The following FNTB variants were observed in gnomAD, a reference collection of about 807,000 sequenced individuals.
FNTB encodes the protein protein farnesyltransferase subunit beta.
FNTB carries 27 observed loss-of-function variants against 59.4 expected under a neutral mutation model. The observed-to-expected ratio is 0.45, with a 90% CI of 0.34 to 0.63. The LOEUF is 0.63. FNTB is among the 20% of genes least tolerant of loss of function. The pLI is 0.02. For missense variants in FNTB, 449 were observed against 559.6 expected, an observed-to-expected ratio of 0.80 and a Z score of 1.99; for synonymous variants, 230 against 220.7, an observed-to-expected ratio of 1.04 and a Z score of -0.37.
intron 7 of FNTB, among the ~76,000 whole-genome samples, chr14:65,037,741 A>ATTTATTTTTTATTTAT (rs372196330): frequency 1.5e-5 from 2 of 132,718 alleles, no homozygotes; most frequent in African/African-American, 2.9e-5. Flanking sequence ...TTATTTATTT[A>ATTTATTTTTTATTTAT]TTATTTATTT....
rs1726886924 is a variant in FNTB at position 65,005,457 on chromosome 14, CTTTCT to C, written c.209+1147_209+1151del. ...CACTTTCTCTTCCTTTCTTTTCTTTCTTTCTTTCTTTCTTTCTTTCTTTCTTTCTT... is the reference window on the plus strand; with the variant it reads ...CACTTTCTCTTCCTTTCTTTTCTTTCTTCTTTCTTTCTTTCTTTCTTTCTT... On this transcript the variant is annotated intron_variant, in intron 2 of 11. Coordinates refer to ENST00000246166, the MANE Select transcript of FNTB (RefSeq NM_002028.4). Among the ~76,000 whole-genome samples, 3 of 91,056 alleles carry C rather than the reference CTTTCT, an allele frequency of 3.3e-5. No homozygotes were observed. In the East Asian group the frequency reaches 1.1e-3, roughly 33 times the overall value. 59.7% of individuals were successfully genotyped at this position (91,056 alleles called of 152,430 possible).
At position 65,062,557 on chromosome 14, in the gene FNTB, A is replaced by G. The variant is rs1055766562; in HGVS notation, c.*1245A>G. On this transcript the variant is annotated 3_prime_UTR_variant, in exon 12 of 12. Transcript: ENST00000246166. This position sits in a 1 kb window ranked among gnomAD's most constrained non-coding sequence, Gnocchi z 4.3. ...CAGAGATGCAGCATGAGGCGCTTAG[A>G]AAAACCTGGCCATTTGCTGCCTCTA... 2 of 152,690 alleles carry G rather than the reference A, an allele frequency of 1.3e-5. No individual in the cohort carries two copies. Among genetic ancestry groups the G allele is most frequent in the Non-Finnish European group, 2.9e-5 (2 of 68,058 alleles). 9.5% of individuals were successfully genotyped at this position (152,690 alleles called of 1,614,324 possible). A position where few individuals can be genotyped will look rare whatever the true frequency, so the allele number is the denominator to read the frequency against.
At position 65,001,516 on chromosome 14, in the gene FNTB, G is replaced by C. The variant is rs1402563113; in HGVS notation, c.145-2733G>C. ...AAGGCGTCTCTCAGAATGTATCCCT[G>C]TAGTTAAGCTACTCGTGATTATATG... On this transcript the variant is annotated intron_variant, in intron 1 of 11. Coordinates refer to ENST00000246166, the MANE Select transcript of FNTB (RefSeq NM_002028.4). This position sits in a 1 kb window ranked among gnomAD's most constrained non-coding sequence, Gnocchi z 5.5. Among the ~76,000 whole-genome samples, 1 of 152,096 alleles carries C rather than the reference G, an allele frequency of 6.6e-6. No homozygotes were observed. The highest frequency in any genetic ancestry group is 2.4e-5 in the African/African-American group (1 of 41,396).
intron 7 of FNTB, among the ~76,000 whole-genome samples, chr14:65,038,235 C>A (rs1381856026): frequency 1.3e-5 from 2 of 151,270 alleles, no homozygotes; most frequent in African/African-American, 2.4e-5. Flanking sequence ...ATAGTGAAAC[C>A]CAGCCTCTAC....
chr14:65,053,451 C>T (rs1328072269), intron 10 of FNTB, 102 bp downstream of exon 10: 1 of 951,488 alleles, frequency 1.1e-6, no homozygotes, highest in African/African-American at 1.7e-5. Context: ...GCAGAGGTGT[C>T]ACCTTCAGCA....
At position 65,031,533 on chromosome 14, in the gene FNTB, G is replaced by C. The variant is rs2062083788; in HGVS notation, c.606-1077G>C. On this transcript the variant is annotated intron_variant, in intron 6 of 11. Transcript: ENST00000246166. This position sits in a 1 kb window ranked among gnomAD's most constrained non-coding sequence, Gnocchi z 4.6. ...GGGTTTCGCAATATTGGTCAGGTTG[G>C]TCTTGAACTCCTGGCCTCGTGATCC... 6.6e-6 allele frequency among the ~76,000 whole-genome samples: 1 copy of C among 151,456 alleles called. No individual in the cohort carries two copies. Among genetic ancestry groups the C allele is most frequent in the Non-Finnish European group, 1.5e-5 (1 of 67,756 alleles).
rs1186983133 is a variant in FNTB, at chr14:65,015,799, G to C, written c.374+83G>C. ...ATTTTGTTTTGTTTCTGTTTTGTTT[G>C]TTTGGAATGGAAAAAAACAGTGCCA... On this transcript the variant is annotated intron_variant, in intron 4 of 11. Coordinates refer to ENST00000246166, the MANE Select transcript of FNTB (RefSeq NM_002028.4). 20 of 1,501,848 alleles carry C rather than the reference G, an allele frequency of 1.3e-5. No homozygotes were observed. The South Asian group carries it at 2.2e-4, about 17-fold the overall frequency. The allele number at this position is 1,501,848 out of a possible 1,614,324, so 93.0% of individuals were successfully genotyped here.
chr14:65,013,325 C>CAT (rs1566869564), intron 3 of FNTB, among the ~76,000 whole-genome samples: 1 of 146,750 alleles, frequency 6.8e-6, no homozygotes, highest in Non-Finnish European at 1.5e-5. Context: ...TCTTTGTTTC[C>CAT]TTTTTTTTTT....
intron 1 of FNTB, among the ~76,000 whole-genome samples, chr14:64,992,982 T>C (rs550313976): frequency 6.6e-6 from 1 of 152,280 alleles, no homozygotes; most frequent in East Asian, 1.9e-4. Flanking sequence ...ACTACTGGCG[T>C]GCGCTACCAT....
rs541917697 is a variant in FNTB, at chr14:65,027,409, G to T, written c.375-44G>T. ...TAGTGGGAATTTGGTGTTTTGACAT[G>T]AATGCTCTCTGACTTTGTTTTTGCC... is the stretch of plus-strand genomic sequence containing the variant. On this transcript the variant is annotated intron_variant, in intron 4 of 11. Coordinates refer to ENST00000246166, the MANE Select transcript of FNTB (RefSeq NM_002028.4). The surrounding 1 kb of genome is among the most constrained non-coding windows in gnomAD (Gnocchi z 5.7). 5.0e-6 allele frequency: 8 copies of T among 1,608,096 alleles called. No homozygotes were observed. The highest frequency in any genetic ancestry group is 3.4e-5 in the Admixed American group (2 of 59,448).
At chr14:65,040,283 G>GTA (rs570646451) in intron 7 of FNTB, among the ~76,000 whole-genome samples, 112 of 147,012 alleles carry the variant, frequency 7.6e-4, no homozygotes, top group East Asian at 2.7e-3. Flanking sequence ...ATATATGTGT[G>GTA]TATATATATA....
chr14:65,037,214 C>G (rs952135568), intron 7 of FNTB, among the ~76,000 whole-genome samples: 1 of 151,284 alleles, frequency 6.6e-6, no homozygotes, highest in Non-Finnish European at 1.5e-5. Flanking sequence ...AGCAATTCTC[C>G]TGCCTCAGCC....
rs1423637061 is a variant in FNTB, at chr14:65,023,006, A to C, written c.375-4447A>C. On this transcript the variant is annotated intron_variant, in intron 4 of 11. Coordinates refer to ENST00000246166, the MANE Select transcript of FNTB (RefSeq NM_002028.4). The surrounding 1 kb of genome is among the most constrained non-coding windows in gnomAD (Gnocchi z 4.1). The stretch of plus-strand genomic sequence containing the variant: ...CTCATTTTGTATTATATGCTTATTT[A>C]CTGTACATGCCTTTGAATCCTTCAT... 6.6e-6 allele frequency among the ~76,000 whole-genome samples: 1 copy of C among 152,006 alleles called. No individual in the cohort carries two copies. The highest frequency in any genetic ancestry group is 1.5e-5 in the Non-Finnish European group (1 of 68,018).
At chr14:65,021,472 A>C (rs2061885226) in intron 4 of FNTB, among the ~76,000 whole-genome samples, 2 of 152,052 alleles carry the variant, frequency 1.3e-5, no homozygotes, top group African/African-American at 4.8e-5. Context: ...CTTACCTTTC[A>C]GTGAGGACAC....
At chr14:65,006,871 T>C (rs1775902395) in intron 2 of FNTB, among the ~76,000 whole-genome samples, 1 of 152,186 alleles carries the variant, frequency 6.6e-6, no homozygotes, top group Admixed American at 6.5e-5. Flanking sequence ...CAGTTGTTTT[T>C]TGAGAGTGGT....
chr14:65,021,984 C>G (rs765656861), intron 4 of FNTB: 1 of 456,054 alleles, frequency 2.2e-6, no homozygotes, highest in South Asian at 1.5e-5. Flanking sequence ...TCTTCCAGAA[C>G]AGCAGCCATC....
At chr14:64,989,514 A>G (rs1423682498) in intron 1 of FNTB, among the ~76,000 whole-genome samples, 2 of 150,616 alleles carry the variant, frequency 1.3e-5, no homozygotes, top group Admixed American at 1.3e-4. Context: ...TCTATTTAAG[A>G]TGAAAGCTTT....
rs201716333 is a variant in FNTB, at chr14:65,032,702, A to G, written c.692+6A>G. On this transcript the variant is annotated splice_donor_region_variant and intron_variant, in intron 7 of 11. Transcript: ENST00000246166. The surrounding 1 kb of genome is among the most constrained non-coding windows in gnomAD (Gnocchi z 5.0). ...ACTGCTGAATGGATAGCAAGGTGAG[A>G]GAAGCCAGGGTTTCTCCTGGCCTCT... 1.2e-6 allele frequency: 2 copies of G among 1,613,060 alleles called. No individual in the cohort carries two copies. Among genetic ancestry groups the G allele is most frequent in the Non-Finnish European group, 1.7e-6 (2 of 1,179,808 alleles).
At position 65,032,531 on chromosome 14, in the gene FNTB, G is replaced by A; in HGVS notation, c.606-79G>A. 6.6e-7 allele frequency: 1 copy of A among 1,521,584 alleles called. No homozygotes were observed. Among genetic ancestry groups the A allele is most frequent in the Non-Finnish European group, 8.9e-7 (1 of 1,124,636 alleles). The allele number at this position is 1,521,584 out of a possible 1,614,324, so 94.3% of individuals were successfully genotyped here. ...GATTACAGCTTACTAGGCAAGGCGA[G>A]CAGTCCGCCCGCGGAGTTCACTGAG... On this transcript the variant is annotated intron_variant, in intron 6 of 11. Coordinates refer to ENST00000246166, the MANE Select transcript of FNTB (RefSeq NM_002028.4). This position sits in a 1 kb window ranked among gnomAD's most constrained non-coding sequence, Gnocchi z 5.0.
Sources: allele counts gnomAD v4.1 joint callset (sites outside exome capture counted in the v4.1 genomes callset), GRCh38; gene constraint gnomAD v4.1.1; non-coding constraint Gnocchi (gnomAD v3.1); transcripts MANE v1.5; gene names NCBI Gene and HGNC (gene_info 2026-07-23, HGNC 2026-07-21).